Variants in SKA2 observed in about 807,000 individuals in gnomAD.
The protein encoded by SKA2 is spindle and kinetochore-associated protein 2.
In SKA2, 13 loss-of-function variants were observed where a neutral mutation model predicts 16.9. The ratio of observed to expected loss-of-function variants is 0.77; its 90% CI spans 0.50 to 1.22. SKA2 has a LOEUF of 1.22. Ranked by LOEUF, SKA2 falls within the 50% of genes most tolerant of loss-of-function variation. The pLI is 0.00. For missense variants in SKA2, 107 were observed against 139.7 expected (o/e 0.77, Z 1.18); for synonymous variants, 47 against 48.5 (o/e 0.97, Z 0.13).
At chr17:59,120,443 T>C (rs890304389) in intron 2 of SKA2, among the ~76,000 whole-genome samples, 1 of 152,070 alleles carries the variant, frequency 6.6e-6, no homozygotes. Context: ...TACAGGAATC[T>C]CACTGTGTTG....
At chr17:59,148,909 G>A (rs2046555936) in intron 1 of SKA2, among the ~76,000 whole-genome samples, 1 of 151,860 alleles carries the variant, frequency 6.6e-6, no homozygotes, top group Admixed American at 6.6e-5. Flanking sequence ...ATGAAAAAAG[G>A]TTTAACATCA....
chr17:59,129,470 C>T (rs2046395712), intron 2 of SKA2: 1 of 150,062 alleles, frequency 6.7e-6, no homozygotes. Context: ...TCACAGGAAT[C>T]TTTAAGACAA....
intron 1 of SKA2, chr17:59,154,908 G>A (rs991461044): frequency 5.6e-6 from 9 of 1,598,456 alleles, no homozygotes; most frequent in African/African-American, 1.3e-5. Context: ...CGCACCCTCA[G>A]CATCTCCCGC....
chr17:59,143,090 G>T (rs935183166), intron 1 of SKA2, among the ~76,000 whole-genome samples: 1 of 151,320 alleles, frequency 6.6e-6, no homozygotes, highest in Non-Finnish European at 1.5e-5. Context: ...ATTTTTAAAA[G>T]ATGTCTCTCT....
Position 59,155,142 on chromosome 17 carries a change from G to C in SKA2, c.22C>G (p.Leu8Val). The change falls in exon 1 of 4, where the codon CTG (leucine) becomes GTG (valine). Residue 8 changes from leucine to valine, a missense_variant. Coordinates refer to ENST00000330137, the MANE Select transcript of SKA2 (RefSeq NM_182620.4). MEAEVDK[L>V]ELMFQKAESD... The stretch of plus-strand genomic sequence containing the variant: ...CACTTTGCACTCACCATCAGTTCCA[G>C]CTTATCGACCTCCGCCTCCATGTTG... 1 of 1,614,004 alleles carries C rather than the reference G, an allele frequency of 6.2e-7. No individual in the cohort carries two copies. The highest frequency in any genetic ancestry group is 1.1e-5 in the South Asian group (1 of 91,088).
intron 1 of SKA2, among the ~76,000 whole-genome samples, chr17:59,138,522 C>T (rs570110423): frequency 6.6e-6 from 1 of 152,116 alleles, no homozygotes; most frequent in African/African-American, 2.4e-5. Context: ...ACCTCTGCCT[C>T]CAGGCTCAAG....
At chr17:59,113,069 A>G (rs2147790307) in intron 3 of SKA2, among the ~76,000 whole-genome samples, 1 of 151,896 alleles carries the variant, frequency 6.6e-6, no homozygotes, top group East Asian at 2.0e-4. Context: ...TTAGTACACT[A>G]ATTTTTAGCT....
At chr17:59,155,086 G>A (rs768100587) in intron 1 of SKA2, 45 bp downstream of exon 1, 7 of 1,614,014 alleles carry the variant, frequency 4.3e-6, no homozygotes, top group Non-Finnish European at 5.1e-6. Flanking sequence ...GAGGCCATGG[G>A]GGAAAAATAA....
intron 1 of SKA2, among the ~76,000 whole-genome samples, chr17:59,144,294 C>T (rs546098610): frequency 4.0e-5 from 6 of 151,776 alleles, no homozygotes; most frequent in African/African-American, 1.2e-4. Context: ...AAACTGGAAC[C>T]CTTGTCCACT....
intron 3 of SKA2, among the ~76,000 whole-genome samples, chr17:59,118,707 G>A (rs774091797): frequency 6.6e-5 from 10 of 151,634 alleles, no homozygotes; most frequent in African/African-American, 9.7e-5. Flanking sequence ...TCATCTCCTT[G>A]TGATATAACA....
intron 2 of SKA2, among the ~76,000 whole-genome samples, chr17:59,122,182 A>C (rs1357221497): frequency 1.3e-5 from 2 of 152,128 alleles, no homozygotes; most frequent in Non-Finnish European, 2.9e-5. Context: ...TATATAGAAA[A>C]ACTAAGCAGG....
intron 1 of SKA2, among the ~76,000 whole-genome samples, chr17:59,132,747 G>T (rs1009824863): frequency 6.6e-6 from 1 of 152,136 alleles, no homozygotes; most frequent in African/African-American, 2.4e-5. Context: ...TACTTAAGGG[G>T]GGGCTTTCAC....
intron 1 of SKA2, among the ~76,000 whole-genome samples, chr17:59,140,352 C>T (rs1198168488): frequency 6.6e-6 from 1 of 152,096 alleles, no homozygotes; most frequent in Non-Finnish European, 1.5e-5. Flanking sequence ...CCTCAGCCTC[C>T]CGAGTAGCTG....
At chr17:59,112,386 A>G (rs964880976) in intron 3 of SKA2, 41 bp from the exon 4 acceptor site, 6 of 1,491,400 alleles carry the variant, frequency 4.0e-6, no homozygotes, top group Non-Finnish European at 4.6e-6. Flanking sequence ...AAAAACTTTC[A>G]AAGACTTAAA....
intron 1 of SKA2, among the ~76,000 whole-genome samples, chr17:59,136,553 T>C (rs893071080): frequency 3.5e-5 from 5 of 144,506 alleles, no homozygotes; most frequent in Admixed American, 6.8e-5. Context: ...AAAATAAGCT[T>C]TTTTTTTTTT....
chr17:59,147,809 CTATTAAA>C (rs2147819924), intron 1 of SKA2, among the ~76,000 whole-genome samples: 1 of 138,794 alleles, frequency 7.2e-6, no homozygotes, highest in African/African-American at 2.7e-5. Context: ...ACTAAACAGA[CTATTAAA>C]TATTGTTTTA....
At chr17:59,132,248 C>T (rs922208183) in intron 1 of SKA2, among the ~76,000 whole-genome samples, 13 of 151,940 alleles carry the variant, frequency 8.6e-5, no homozygotes, top group African/African-American at 2.4e-4. Context: ...CCCACTTACT[C>T]GGGAGGCTGA....
chr17:59,154,979 G>A (rs765338616), intron 1 of SKA2, 152 bp downstream of exon 1: 315 of 1,613,878 alleles, frequency 2.0e-4, no homozygotes, highest in Non-Finnish European at 2.6e-4. Flanking sequence ...GACACCAGAC[G>A]GTGGCGGCTC....
intron 3 of SKA2, among the ~76,000 whole-genome samples, chr17:59,118,431 A>G (rs561968312): frequency 3.9e-4 from 60 of 152,286 alleles, no homozygotes; most frequent in African/African-American, 1.2e-3. Context: ...CTGTGCTTCA[A>G]TAAATTTATG....
Sources: gnomAD v4.1 joint callset for allele counts (sites outside exome capture counted in the v4.1 genomes callset) on GRCh38, gnomAD v4.1.1 for gene constraint, MANE v1.5 for transcripts, NCBI Gene and HGNC (gene_info 2026-07-23, HGNC 2026-07-21) for gene names.